The following FADS2 variants were observed in gnomAD, a reference collection of about 807,000 sequenced individuals.
FADS2 encodes acyl-CoA 6-desaturase.
Under a neutral mutation model 61.2 loss-of-function variants are expected in FADS2, and 18 were observed. The observed-to-expected ratio is 0.29, with a 90% CI of 0.20 to 0.44. The LOEUF is 0.44. Among genes scored for constraint, FADS2 ranks in the 20% least tolerant of loss-of-function variants. FADS2 has a pLI of 1.00. For synonymous variants in FADS2, 203 were observed against 223.9 expected (o/e 0.91, Z 0.83); for missense variants, 322 against 572.7 (o/e 0.56, Z 4.47).
rs77450900 is a variant in FADS2 at position 61,817,922 on chromosome 11, T to C, written c.141+1496T>C. ...TAATTCTCCTAACAACCCTATGAGG[T>C]TGGAACAATTAACCTAATTTACAGT... On this transcript the variant is annotated intron_variant, in intron 1 of 11. Coordinates refer to the FADS2 transcript ENST00000257261. 1.2e-3 allele frequency among the ~76,000 whole-genome samples: 180 copies of C among 152,316 alleles called. 1 individual carries two copies. Among genetic ancestry groups the C allele is most frequent in the African/African-American group, 4.3e-3 (177 of 41,558 alleles).
rs1341153808 is a variant in FADS2 at position 61,865,060 on chromosome 11, C to A, written c.1158-92C>A. The A allele has an allele frequency of 6.8e-7, 1 of 1,474,458 alleles. No individual in the cohort carries two copies. The highest frequency in any genetic ancestry group is 1.3e-5 in the South Asian group (1 of 79,652). 91.3% of individuals were successfully genotyped at this position (1,474,458 alleles called of 1,614,324 possible). A position where few individuals can be genotyped will look rare whatever the true frequency, so the allele number is the denominator to read the frequency against. On this transcript the variant is annotated intron_variant, in intron 10 of 11. Coordinates refer to ENST00000278840, the MANE Select transcript of FADS2 (RefSeq NM_004265.4). This position sits in a 1 kb window ranked among gnomAD's most constrained non-coding sequence, Gnocchi z 4.1. Reference sequence around the variant, plus strand: ...TGGCTGTGGACAGGGTCTCTGAGGGCCCCAGCCAGCCTCTGCCCAGGTGGT... The same window carrying A: ...TGGCTGTGGACAGGGTCTCTGAGGGACCCAGCCAGCCTCTGCCCAGGTGGT...
chr11:61,848,206 C>T lies in FADS2; in HGVS notation c.666C>T (p.Ala222=), dbSNP rs1304289183. ...WWNHRHFQHH[A]KPNIFHKDPD... is the part of the protein sequence containing the mutation. ...ATCATCGCCACTTCCAGCACCACGC[C>T]AAGCCTAACATCTTCCACAAGGATC... The change falls in exon 5 of 12, where the codon GCC becomes GCT. Residue 222 remains alanine (A), a synonymous_variant. Coordinates refer to ENST00000278840, the MANE Select transcript of FADS2 (RefSeq NM_004265.4). 6.2e-7 allele frequency: 1 copy of T among 1,614,228 alleles called. No individual in the cohort carries two copies. Among genetic ancestry groups the T allele is most frequent in the South Asian group, 1.1e-5 (1 of 91,086 alleles).
Position 61,816,989 on chromosome 11 carries a change from C to T in FADS2, c.141+563C>T. On this transcript the variant is annotated intron_variant, in intron 1 of 11. Transcript: ENST00000257261. This position sits in a 1 kb window ranked among gnomAD's most constrained non-coding sequence, Gnocchi z 7.0. Reference sequence around the variant, plus strand: ...GTCCCCCGGTGGGTCTTGGGCAACTCACAGCTGGGCTGCCAACACGCGCCC... The same window carrying T: ...GTCCCCCGGTGGGTCTTGGGCAACTTACAGCTGGGCTGCCAACACGCGCCC... 6 of 1,338,678 alleles carry T rather than the reference C, an allele frequency of 4.5e-6. No individual in the cohort carries two copies. The highest frequency in any genetic ancestry group is 5.7e-6 in the Non-Finnish European group (6 of 1,050,324). 82.9% of individuals were successfully genotyped at this position (1,338,678 alleles called of 1,614,324 possible).
In FADS2 at chr11:61,863,697, C is replaced by G; in HGVS notation, c.1078-10C>G. 7 of 1,612,748 alleles carry G rather than the reference C, an allele frequency of 4.3e-6. No individual in the cohort carries two copies. Among genetic ancestry groups the G allele is most frequent in the Non-Finnish European group, 5.9e-6 (7 of 1,178,724 alleles). ...CTTTGTTCCCTGACACTCATCCCCT[C>G]CACTGACAGCTGACAGCCACCTGCA... is the stretch of plus-strand genomic sequence containing the variant. On this transcript the variant is annotated splice_polypyrimidine_tract_variant and intron_variant, in intron 9 of 11. Transcript: ENST00000278840.
intron 2 of FADS2, among the ~76,000 whole-genome samples, chr11:61,839,741 T>A (rs1009027333): frequency 2.0e-5 from 3 of 152,186 alleles, no homozygotes; most frequent in African/African-American, 7.2e-5. Flanking sequence ...AAATTCCACA[T>A]CCATTAAGCA....
chr11:61,826,283 G>T (rs893050549), upstream of FADS2: 2 of 702,218 alleles, frequency 2.8e-6, no homozygotes, highest in African/African-American at 3.5e-5. Context: ...GTTTTTTCAG[G>T]ACCTACCCTG....
rs11823265 is a variant in FADS2 at position 61,816,868 on chromosome 11, C to T, written c.141+442C>T. 10 of 1,478,784 alleles carry T rather than the reference C, an allele frequency of 6.8e-6. No individual in the cohort carries two copies. The highest frequency in any genetic ancestry group is 8.9e-6 in the Non-Finnish European group (10 of 1,125,494). The allele number at this position is 1,478,784 out of a possible 1,614,324, so 91.6% of individuals were successfully genotyped here. On this transcript the variant is annotated intron_variant, in intron 1 of 11. Coordinates refer to the FADS2 transcript ENST00000257261. This position sits in a 1 kb window ranked among gnomAD's most constrained non-coding sequence, Gnocchi z 7.0. ...CTGGCGCGCGCCCAGAGCCAGCCGC[C>T]TGCGCGCCGGGTTTTCAGCACCGCA...
chr11:61,848,015 G>A (rs1312139828), intron 4 of FADS2, 144 bp from the exon 5 acceptor site: 2 of 887,696 alleles, frequency 2.3e-6, no homozygotes, highest in Admixed American at 4.4e-5. Context: ...TCATGGCAGG[G>A]CTGGATTCTG....
chr11:61,844,651 C>T (rs946405294), intron 4 of FADS2, among the ~76,000 whole-genome samples: 17 of 146,840 alleles, frequency 1.2e-4, no homozygotes, highest in African/African-American at 3.0e-4. Flanking sequence ...TGAGGCCAGG[C>T]GCGGTGGCTC....
chr11:61,855,748 C>T (rs1293753175), intron 5 of FADS2: 1 of 152,298 alleles, frequency 6.6e-6, no homozygotes, highest in Admixed American at 6.5e-5. Context: ...TTTGGACAAT[C>T]ATTTTACTCA....
intron 5 of FADS2, among the ~76,000 whole-genome samples, chr11:61,850,815 CCTCA>C (rs1303623280): frequency 5.9e-5 from 9 of 152,236 alleles, no homozygotes; most frequent in African/African-American, 2.2e-4. Context: ...GCCAATTTTC[CCTCA>C]CTAAGGAGTG....
At chr11:61,850,136 C>T (rs958013243) in intron 5 of FADS2, among the ~76,000 whole-genome samples, 7 of 152,194 alleles carry the variant, frequency 4.6e-5, no homozygotes, top group Non-Finnish European at 8.8e-5. Context: ...AGACAGGTCT[C>T]GTCTCCCTCT....
At position 61,857,454 on chromosome 11, in the gene FADS2, T is replaced by C. The variant is rs1485634827; in HGVS notation, c.806T>C (p.Ile269Thr). The C allele has an allele frequency of 6.2e-7, 1 of 1,613,618 alleles. No individual in the cohort carries two copies. The highest frequency in any genetic ancestry group is 1.3e-5 in the African/African-American group (1 of 74,890). The change falls in exon 7 of 12, where the codon ATT becomes ACT. Residue 269 changes from isoleucine to threonine, a missense_variant and splice_region_variant. This residue lies in a region of FADS2 where 221 missense variants were observed against 427.9 expected (regional missense o/e 0.52). Transcript: ENST00000278840. ...YNHQHEYFFL[I>T]GPPLLIPMYF... Reference sequence around the variant, plus strand: ...CTAAGCGCCTGTCTCTCTCCTGCAGTTGGGCCGCCGCTGCTCATCCCCATG... The same window carrying C: ...CTAAGCGCCTGTCTCTCTCCTGCAGCTGGGCCGCCGCTGCTCATCCCCATG...
Position 61,837,855 on chromosome 11 carries a change from C to T in FADS2, c.285C>T (p.Ala95=), listed in dbSNP as rs753961325. The change falls in exon 2 of 12, where the codon GCC becomes GCT. Residue 95 remains alanine, a synonymous_variant. Transcript: ENST00000278840. ...FLKPLLIGEL[A]PEEPSQDHGK... ...AACCCCTGCTGATTGGTGAACTGGC[C>T]CCGGAGGAGCCCAGCCAGGACCACG... 1 of 1,613,752 alleles carries T rather than the reference C, an allele frequency of 6.2e-7. No individual in the cohort carries two copies. Among genetic ancestry groups the T allele is most frequent in the Admixed American group, 1.7e-5 (1 of 59,992 alleles).
Position 61,848,295 on chromosome 11 carries a change from G to C in FADS2, c.744+11G>C. ...TGGCAGCCCATCGAGGTACGACTAA[G>C]AGGATGGTGTTGACCTAGGAAGTGT... On this transcript the variant is annotated intron_variant, in intron 5 of 11. Transcript: ENST00000278840. The C allele has an allele frequency of 1.2e-6, 2 of 1,612,570 alleles. No individual in the cohort carries two copies. Among genetic ancestry groups the C allele is most frequent in the Non-Finnish European group, 1.7e-6 (2 of 1,178,776 alleles).
intron 1 of FADS2, among the ~76,000 whole-genome samples, chr11:61,817,977 T>G (rs2067001851): frequency 6.6e-6 from 1 of 152,228 alleles, no homozygotes; most frequent in Admixed American, 6.5e-5. Context: ...GAGGTTATTT[T>G]GTCACACAGC....
intron 8 of FADS2, 70 bp downstream of exon 8, chr11:61,863,139 G>A (rs2067431996): frequency 6.7e-7 from 1 of 1,485,372 alleles, no homozygotes. Context: ...CATGAGAAGA[G>A]GCTCGGACGG....
At position 61,816,467 on chromosome 11, in the gene FADS2, G is replaced by A. The variant is rs1266044709; in HGVS notation, c.141+41G>A. The A allele has an allele frequency of 6.2e-7, 1 of 1,600,974 alleles. No individual in the cohort carries two copies. The highest frequency in any genetic ancestry group is 8.5e-7 in the Non-Finnish European group (1 of 1,179,612). On this transcript the variant is annotated intron_variant, in intron 1 of 11. Transcript: ENST00000257261. The surrounding 1 kb of genome is among the most constrained non-coding windows in gnomAD (Gnocchi z 7.0). ...TCCGGGCTTTCCTCCGAATTAGTCG[G>A]TGTTTGGCTCGGAGTGCGTAACTCT...
chr11:61,866,251 C>T lies in FADS2; in HGVS notation c.*562C>T, dbSNP rs963322635. ...AAGCTCGGGTCTCCCTCCTGCAGCT[C>T]GGTTAAGTACCCGAGGCCTCTCTTA... On this transcript the variant is annotated 3_prime_UTR_variant, in exon 12 of 12. Transcript: ENST00000278840. 8 of 368,142 alleles carry T rather than the reference C, an allele frequency of 2.2e-5. 1 individual carries two copies. The highest frequency in any genetic ancestry group is 7.9e-5 in the East Asian group (2 of 25,442). 22.8% of individuals were successfully genotyped at this position (368,142 alleles called of 1,614,324 possible).
Sources: allele counts gnomAD v4.1 joint callset (sites outside exome capture counted in the v4.1 genomes callset), GRCh38; gene constraint gnomAD v4.1.1; regional missense constraint gnomAD v4.1.1; non-coding constraint Gnocchi (gnomAD v3.1); transcripts MANE v1.5; gene names NCBI Gene and HGNC (gene_info 2026-07-23, HGNC 2026-07-21).